Variants in MS4A12 observed in about 807,000 individuals in gnomAD.
The protein encoded by MS4A12 is membrane spanning 4-domains A12.
A neutral mutation model predicts 23.7 loss-of-function variants in MS4A12; 28 were observed. The observed-to-expected ratio is 1.18, with a 90% CI of 0.88 to 1.62. MS4A12 has a LOEUF of 1.62. MS4A12 is among the 40% of genes most tolerant of loss of function. The pLI, the probability that MS4A12 is intolerant of heterozygous loss-of-function variation, is 0.00. For missense variants in MS4A12, 342 were observed against 327.0 expected, an observed-to-expected ratio of 1.05 and a Z score of -0.35; for synonymous variants, 108 against 110.1, an observed-to-expected ratio of 0.98 and a Z score of 0.12.
At chr11:60,497,768 G>A in intron 2 of MS4A12, 174 bp downstream of exon 2, 1 of 735,984 alleles carries the variant, frequency 1.4e-6, no homozygotes, top group Non-Finnish European at 2.1e-6. Context: ...TTTCATTTTA[G>A]ATCAAGCAAA....
chr11:60,500,250 C>A (rs7943951), intron 2 of MS4A12, among the ~76,000 whole-genome samples: 83,459 of 145,784 alleles, frequency 0.57, 23,940 homozygotes, highest in East Asian at 0.65. Flanking sequence ...CAAAAAAAAA[C>A]CAAAAAAAAA....
chr11:60,503,570 C>A, intron 4 of MS4A12, 131 bp from the exon 5 acceptor site: 1 of 713,310 alleles, frequency 1.4e-6, no homozygotes, highest in Non-Finnish European at 2.3e-6. Context: ...GGGCAGAAAA[C>A]AGAATAATTT....
At chr11:60,500,903 C>T (rs2086525120) in intron 2 of MS4A12, 142 bp from the exon 3 acceptor site, 1 of 920,456 alleles carries the variant, frequency 1.1e-6, no homozygotes, top group African/African-American at 1.7e-5. Context: ...CATGACCCAC[C>T]TCCTGCTTCA....
chr11:60,497,293 G>T lies in MS4A12; in HGVS notation c.-6-20G>T. The stretch of plus-strand genomic sequence containing the variant: ...TTTTCTGGATAAACGTATCACTTTT[G>T]TATGTTTTGTGATACTTAGGACATA... On this transcript the variant is annotated intron_variant, in intron 1 of 6. Transcript: ENST00000016913. 6.3e-7 allele frequency: 1 copy of T among 1,579,042 alleles called. No homozygotes were observed. The highest frequency in any genetic ancestry group is 8.6e-7 in the Non-Finnish European group (1 of 1,164,392).
intron 2 of MS4A12, chr11:60,497,843 C>T: frequency 2.2e-6 from 1 of 460,920 alleles, no homozygotes; most frequent in Non-Finnish European, 3.9e-6. Context: ...GTGACAGAAG[C>T]ACTGTTACAT....
chr11:60,493,300 C>G (rs547288318), intron 1 of MS4A12, among the ~76,000 whole-genome samples: 1 of 150,022 alleles, frequency 6.7e-6, no homozygotes, highest in African/African-American at 2.5e-5. Flanking sequence ...CACGTGAACT[C>G]GGGAGGCGGA....
chr11:60,498,586 C>G (rs7939173), intron 2 of MS4A12, among the ~76,000 whole-genome samples: 86,987 of 151,992 alleles, frequency 0.57, 25,055 homozygotes, highest in East Asian at 0.65. Context: ...GAGGTGCAAT[C>G]TCTGCCCTCA....
chr11:60,500,251 CA>C (rs1233888569), intron 2 of MS4A12, among the ~76,000 whole-genome samples: 5 of 100,652 alleles, frequency 5.0e-5, no homozygotes, highest in African/African-American at 1.5e-4. Flanking sequence ...AAAAAAAAAC[CA>C]AAAAAAAACA....
At chr11:60,504,644 A>G (rs2086557470) in intron 5 of MS4A12, among the ~76,000 whole-genome samples, 1 of 152,232 alleles carries the variant, frequency 6.6e-6, no homozygotes, top group South Asian at 2.1e-4. Flanking sequence ...TTCCTTATCT[A>G]TCTAGAACAT....
chr11:60,504,857 C>G (rs984553425), intron 5 of MS4A12, among the ~76,000 whole-genome samples: 2 of 152,112 alleles, frequency 1.3e-5, no homozygotes, highest in Non-Finnish European at 2.9e-5. Context: ...TCTAGGCACT[C>G]CCATCAGATG....
chr11:60,499,580 G>T lies in MS4A12; in HGVS notation c.277-1465G>T, dbSNP rs182169091. ...GTATGGTATGTGTGTGTATGAATGT[G>T]CAAGAATAATTTTTCAGGGAGAAAG... On this transcript the variant is annotated intron_variant, in intron 2 of 6. Coordinates refer to ENST00000016913, the MANE Select transcript of MS4A12 (RefSeq NM_017716.3). 4.1e-4 allele frequency among the ~76,000 whole-genome samples: 63 copies of T among 152,344 alleles called. No homozygotes were observed. The East Asian group carries it at 7.9e-3, about 19-fold the overall frequency.
intron 1 of MS4A12, 80 bp from the exon 2 acceptor site, chr11:60,497,233 G>A: frequency 7.0e-7 from 1 of 1,429,560 alleles, no homozygotes; most frequent in Non-Finnish European, 9.5e-7. Flanking sequence ...ATAGATAATT[G>A]ACATTTGACA....
intron 2 of MS4A12, among the ~76,000 whole-genome samples, chr11:60,498,604 T>TAA (rs1446821474): frequency 6.6e-6 from 1 of 152,130 alleles, no homozygotes; most frequent in Non-Finnish European, 1.5e-5. Context: ...TCACAGAACT[T>TAA]ACGCCCTAGA....
chr11:60,500,345 A>G (rs2086521552), intron 2 of MS4A12, among the ~76,000 whole-genome samples: 1 of 152,194 alleles, frequency 6.6e-6, no homozygotes, highest in South Asian at 2.1e-4. Context: ...ATTCAGAAAG[A>G]AAGAAAAAAG....
Position 60,497,554 on chromosome 11 carries a change from C to T in MS4A12, c.236C>T (p.Thr79Ile), listed in dbSNP as rs1173560123. 1.1e-5 allele frequency: 17 copies of T among 1,614,110 alleles called. No individual in the cohort carries two copies. The highest frequency in any genetic ancestry group is 3.3e-4 in the Middle Eastern group (2 of 6,062). Residue 79 changes from threonine (T) to isoleucine (I), a missense_variant, in exon 2 of 7, where the codon ACA becomes ATA. Coordinates refer to ENST00000016913, the MANE Select transcript of MS4A12 (RefSeq NM_017716.3). ...NIQMINPSVGTAVMNFKEEAK... is the reference protein window; with the variant it reads ...NIQMINPSVGIAVMNFKEEAK... ...CAAATGATAAATCCAAGTGTGGGAA[C>T]AGCAGTAATGAACTTTAAAGAAGAA...
chr11:60,507,140 T>C lies in MS4A12; in HGVS notation c.*16T>C, dbSNP rs752530922. The C allele has an allele frequency of 1.3e-6, 2 of 1,580,154 alleles. No individual in the cohort carries two copies. Among genetic ancestry groups the C allele is most frequent in the Admixed American group, 3.3e-5 (2 of 59,950 alleles). ...CCCTAAATAGTAAAAGAAAAAGGGG[T>C]ATCAGTCTAATCTCATGGAGAAAAA... is the stretch of plus-strand genomic sequence containing the variant. On this transcript the variant is annotated 3_prime_UTR_variant, in exon 7 of 7. Transcript: ENST00000016913.
Position 60,496,065 on chromosome 11 carries a change from C to T in MS4A12, c.-6-1248C>T, listed in dbSNP as rs74607606. Among the ~76,000 whole-genome samples the T allele has an allele frequency of 8.5e-4, 130 of 152,284 alleles. 2 individuals are homozygous for T. In the East Asian group the frequency reaches 0.02, roughly 23 times the overall value. On this transcript the variant is annotated intron_variant, in intron 1 of 6. Coordinates refer to ENST00000016913, the MANE Select transcript of MS4A12 (RefSeq NM_017716.3). ...GTGTAACCTTGAGCATGTCACTTAA[C>T]GACTCAGCTTCAATTTCTCATCTGT...
Position 60,507,035 on chromosome 11 carries a change from C to A in MS4A12, c.715C>A (p.Pro239Thr). 1 of 1,613,496 alleles carries A rather than the reference C, an allele frequency of 6.2e-7. No individual in the cohort carries two copies. The highest frequency in any genetic ancestry group is 1.3e-5 in the African/African-American group (1 of 75,012). The change falls in exon 7 of 7, where the codon CCA becomes ACA. Residue 239 changes from proline (P) to threonine (T), a missense_variant. By Grantham distance (38) the Pro-to-Thr change is conservative. Transcript: ENST00000016913. ...TTCTTTCCAGTCTGTCCTGGTTATT[C>A]CAAATATGTATGAAAGCAACCCTGT... ...TTTNMSVLVI[P>T]NMYESNPVTP...
At chr11:60,492,900 G>A (rs938724412) in intron 1 of MS4A12, 72 bp downstream of exon 1, 1 of 152,180 alleles carries the variant, frequency 6.6e-6, no homozygotes, top group African/African-American at 2.4e-5. Context: ...TGGTCTACCT[G>A]TGTGGGTTCT....
Sources: allele counts gnomAD v4.1 joint callset (sites outside exome capture counted in the v4.1 genomes callset), GRCh38; gene constraint gnomAD v4.1.1; transcripts MANE v1.5; gene names NCBI Gene and HGNC (gene_info 2026-07-23, HGNC 2026-07-21).